NEGR1: variants seen among roughly 807,000 people sequenced by gnomAD.
NEGR1 encodes the protein IgLON family member 4.
A neutral mutation model predicts 40.9 loss-of-function variants in NEGR1; 10 were observed. The observed-to-expected ratio is 0.24, with a 90% confidence interval of 0.15 to 0.42. The LOEUF is 0.42. Among genes scored for constraint, NEGR1 ranks in the 10% least tolerant of loss-of-function variants. The pLI is 1.00. For missense variants in NEGR1, 352 were observed against 438.9 expected (o/e 0.80, Z 1.77); for synonymous variants, 185 against 166.8 (o/e 1.11, Z -0.84).
intron 4 of NEGR1, among the ~76,000 whole-genome samples, chr1:71,623,110 GA>G (rs1344126329): frequency 6.6e-6 from 1 of 151,200 alleles, no homozygotes; most frequent in Non-Finnish European, 1.5e-5. Context: ...TGTCTTATAA[GA>G]AGAAAAAGAA....
chr1:71,432,528 A>G (rs1646476857), intron 6 of NEGR1, among the ~76,000 whole-genome samples: 1 of 152,138 alleles, frequency 6.6e-6, no homozygotes. Context: ...TCGCTTATCT[A>G]TGTAAAGATG....
At chr1:71,472,594 G>T (rs1023091547) in intron 6 of NEGR1, 5 of 152,124 alleles carry the variant, frequency 3.3e-5, no homozygotes, top group African/African-American at 4.8e-5. Context: ...ACTGGAACCA[G>T]CTGACTGATC....
chr1:71,588,389 G>C (rs981430046), intron 6 of NEGR1, among the ~76,000 whole-genome samples: 1 of 152,046 alleles, frequency 6.6e-6, no homozygotes, highest in African/African-American at 2.4e-5. Context: ...AATATACAGT[G>C]ATCTGCACAA....
intron 6 of NEGR1, among the ~76,000 whole-genome samples, chr1:71,459,687 C>T (rs1006678666): frequency 2.6e-5 from 4 of 152,306 alleles, no homozygotes; most frequent in African/African-American, 7.2e-5. Flanking sequence ...TGCTAAAGGC[C>T]GTAACTGTGT....
At chr1:71,858,255 G>C (rs1659842305) in intron 2 of NEGR1, among the ~76,000 whole-genome samples, 2 of 151,846 alleles carry the variant, frequency 1.3e-5, no homozygotes, top group South Asian at 4.1e-4. Flanking sequence ...TCTCATTTTT[G>C]TTCTTCTTTT....
intron 5 of NEGR1, among the ~76,000 whole-genome samples, chr1:71,596,441 C>T (rs900704364): frequency 1.3e-5 from 2 of 152,188 alleles, no homozygotes; most frequent in African/African-American, 4.8e-5. Context: ...TTTCTAGTGT[C>T]AGTCAGAAGT....
chr1:71,910,618 T>G (rs1365177971), intron 2 of NEGR1, among the ~76,000 whole-genome samples: 2 of 152,128 alleles, frequency 1.3e-5, no homozygotes. Context: ...AAAGTTACAT[T>G]TGTTTATCTG....
intron 2 of NEGR1, among the ~76,000 whole-genome samples, chr1:71,924,942 G>A (rs2101886459): frequency 6.6e-6 from 1 of 151,380 alleles, no homozygotes; most frequent in South Asian, 2.1e-4. Flanking sequence ...CCTAAAGATA[G>A]CATCAACATA....
At chr1:71,469,892 A>G (rs1348818637) in intron 6 of NEGR1, among the ~76,000 whole-genome samples, 1 of 152,150 alleles carries the variant, frequency 6.6e-6, no homozygotes, top group Non-Finnish European at 1.5e-5. Context: ...AGTGGTGACT[A>G]TCCTTTGTTA....
intron 6 of NEGR1, among the ~76,000 whole-genome samples, chr1:71,576,970 C>T (rs1368170983): frequency 6.6e-6 from 1 of 152,202 alleles, no homozygotes; most frequent in East Asian, 1.9e-4. Context: ...AAGTGCTGAA[C>T]TGTCTATTGT....
intron 5 of NEGR1, among the ~76,000 whole-genome samples, chr1:71,594,313 A>G (rs962276287): frequency 1.3e-5 from 2 of 152,172 alleles, no homozygotes; most frequent in Admixed American, 6.5e-5. Context: ...AATGTGTTCA[A>G]GTTTTTGTAT....
chr1:71,897,526 G>A (rs1339041165), intron 2 of NEGR1, among the ~76,000 whole-genome samples: 2 of 152,120 alleles, frequency 1.3e-5, no homozygotes, highest in African/African-American at 4.8e-5. Flanking sequence ...CTTCCTCAGG[G>A]CTTGTGACAA....
chr1:71,826,136 A>G (rs979942100), intron 2 of NEGR1, among the ~76,000 whole-genome samples: 1 of 151,774 alleles, frequency 6.6e-6, no homozygotes, highest in African/African-American at 2.4e-5. Flanking sequence ...TGATGTTCTC[A>G]TCTAAAATTG....
chr1:71,572,457 T>C (rs1648838029), intron 6 of NEGR1, among the ~76,000 whole-genome samples: 1 of 152,148 alleles, frequency 6.6e-6, no homozygotes, highest in Admixed American at 6.5e-5. Context: ...GAACAGAAAA[T>C]AATATGCTCA....
At chr1:72,073,598 A>G (rs1342603787) in intron 1 of NEGR1, among the ~76,000 whole-genome samples, 1 of 152,170 alleles carries the variant, frequency 6.6e-6, no homozygotes, top group African/African-American at 2.4e-5. Context: ...TTTAACAAAC[A>G]ACATATTGAT....
chr1:71,526,962 C>G (rs1647224082), intron 6 of NEGR1, among the ~76,000 whole-genome samples: 1 of 151,600 alleles, frequency 6.6e-6, no homozygotes, highest in Non-Finnish European at 1.5e-5. Context: ...TTCTATGTCT[C>G]TGTACCTTTG....
chr1:72,222,541 T>C (rs1654048170), intron 1 of NEGR1, among the ~76,000 whole-genome samples: 1 of 152,166 alleles, frequency 6.6e-6, no homozygotes, highest in African/African-American at 2.4e-5. Context: ...CATGGGGATG[T>C]ATAAACTTCC....
chr1:71,664,677 T>C (rs1652178970), intron 4 of NEGR1, among the ~76,000 whole-genome samples: 1 of 152,142 alleles, frequency 6.6e-6, no homozygotes, highest in Admixed American at 6.5e-5. Context: ...ATCAGTTTCC[T>C]TTGCCTTACT....
intron 4 of NEGR1, among the ~76,000 whole-genome samples, chr1:71,634,657 G>T (rs1651085977): frequency 6.6e-6 from 1 of 152,074 alleles, no homozygotes; most frequent in Admixed American, 6.6e-5. Context: ...GTATGAAGGG[G>T]TAACCTTGGA....
Sources: gnomAD v4.1 joint callset for allele counts (sites outside exome capture counted in the v4.1 genomes callset) on GRCh38, gnomAD v4.1.1 for gene constraint, MANE v1.5 for transcripts, NCBI Gene and HGNC (gene_info 2026-07-23, HGNC 2026-07-21) for gene names.